DERA: variants seen among roughly 807,000 people sequenced by gnomAD.
The protein encoded by DERA is 2-deoxy-D-ribose 5-phosphate aldolase.
In DERA, 15 loss-of-function variants were observed where a neutral mutation model predicts 41.1. The ratio of observed to expected loss-of-function variants is 0.37; its 90% CI spans 0.24 to 0.56. The LOEUF (loss-of-function observed/expected upper bound fraction) is 0.56, where lower values mean the gene tolerates loss of function less well. Ranked by LOEUF, DERA falls within the 20% of genes least tolerant of loss-of-function variation. DERA has a pLI of 0.81. For missense variants in DERA, 396 were observed against 403.4 expected (o/e 0.98, Z 0.16); for synonymous variants, 139 against 137.4 (o/e 1.01, Z -0.08).
At chr12:15,961,936 GT>G (rs1948591123) in intron 4 of DERA, among the ~76,000 whole-genome samples, 1 of 152,114 alleles carries the variant, frequency 6.6e-6, no homozygotes, top group South Asian at 2.1e-4. Context: ...TAGAGATGGG[GT>G]TTCACCATGT....
In DERA at chr12:15,921,220, TG is replaced by T. The variant is rs1391700451; in HGVS notation, c.31+9807del. On this transcript the variant is annotated intron_variant, in intron 1 of 8. Coordinates refer to ENST00000428559, the MANE Select transcript of DERA (RefSeq NM_015954.4). The surrounding 1 kb of genome is among the most constrained non-coding windows in gnomAD (Gnocchi z 5.3). ...CATCGGGGTGACGTAGTGAAGTAAG[TG>T]CATATATCTGAAAAGTGCACTGTGT... Among the ~76,000 whole-genome samples, 1 of 152,184 alleles carries T rather than the reference TG, an allele frequency of 6.6e-6. No homozygotes were observed. The highest frequency in any genetic ancestry group is 1.5e-5 in the Non-Finnish European group (1 of 68,028).
chr12:15,930,299 T>C (rs1286523634), intron 1 of DERA, among the ~76,000 whole-genome samples: 1 of 152,212 alleles, frequency 6.6e-6, no homozygotes, highest in East Asian at 1.9e-4. Context: ...TAGGATATAA[T>C]GGAAGTTGAA....
Position 15,970,310 on chromosome 12 carries a change from A to C in DERA, c.508+7363A>C, listed in dbSNP as rs191969736. ...TTATTTTTAAGTGCCTTTGAATAGC[A>C]GGAAATATAGAAGGAAATATACTTT... On this transcript the variant is annotated intron_variant, in intron 5 of 8. Coordinates refer to ENST00000428559, the MANE Select transcript of DERA (RefSeq NM_015954.4). The surrounding 1 kb of genome is among the most constrained non-coding windows in gnomAD (Gnocchi z 4.3). Among the ~76,000 whole-genome samples the C allele has an allele frequency of 1.9e-4, 29 of 152,356 alleles. No homozygotes were observed. Among genetic ancestry groups the C allele is most frequent in the Admixed American group, 3.3e-4 (5 of 15,306 alleles).
At position 15,915,655 on chromosome 12, in the gene DERA, C is replaced by T. The variant is rs1948193662; in HGVS notation, c.31+4241C>T. Among the ~76,000 whole-genome samples the T allele has an allele frequency of 6.6e-6, 1 of 152,184 alleles. No homozygotes were observed. Among genetic ancestry groups the T allele is most frequent in the Non-Finnish European group, 1.5e-5 (1 of 68,038 alleles). On this transcript the variant is annotated intron_variant, in intron 1 of 8. Coordinates refer to ENST00000428559, the MANE Select transcript of DERA (RefSeq NM_015954.4). This position sits in a 1 kb window ranked among gnomAD's most constrained non-coding sequence, Gnocchi z 4.8. ...GCTATCTGTTTGCATAATAATTCTT[C>T]ACCTTATTTAATACCTACTGTGTGC...
Position 15,957,806 on chromosome 12 carries a change from C to T in DERA, c.130-382C>T, listed in dbSNP as rs762186739. 1.3e-5 allele frequency among the ~76,000 whole-genome samples: 2 copies of T among 152,132 alleles called. No individual in the cohort carries two copies. The highest frequency in any genetic ancestry group is 2.9e-5 in the Non-Finnish European group (2 of 68,028). ...GATAATCTCATCCCAGATCCCAGAG[C>T]GGGAGGTAAAATGTAAGGTAGAAAC... On this transcript the variant is annotated intron_variant, in intron 2 of 8. Transcript: ENST00000428559. This position sits in a 1 kb window ranked among gnomAD's most constrained non-coding sequence, Gnocchi z 4.8.
At position 16,001,207 on chromosome 12, in the gene DERA, C is replaced by T. The variant is rs1232948033; in HGVS notation, c.637+18771C>T. On this transcript the variant is annotated intron_variant, in intron 6 of 8. Transcript: ENST00000428559. This position sits in a 1 kb window ranked among gnomAD's most constrained non-coding sequence, Gnocchi z 4.1. ...AGGTGCAGCAAACCACCACGGCACA[C>T]GTACACCTATGTAACAAACCTGCAC... Among the ~76,000 whole-genome samples the T allele has an allele frequency of 6.6e-6, 1 of 152,220 alleles. No homozygotes were observed.
At chr12:15,960,720 C>T (rs1948581198) in intron 4 of DERA, among the ~76,000 whole-genome samples, 1 of 148,698 alleles carries the variant, frequency 6.7e-6, no homozygotes, top group South Asian at 2.1e-4. Flanking sequence ...ATATATTCTG[C>T]AGAGGTTGGT....
At chr12:15,942,500 A>T (rs1445726232) in intron 1 of DERA, among the ~76,000 whole-genome samples, 59 of 152,296 alleles carry the variant, frequency 3.9e-4, no homozygotes, top group Non-Finnish European at 1.2e-4. Flanking sequence ...TTCAGATCTT[A>T]GATTTGTCTT....
At chr12:15,951,457 G>A (rs899522697) in intron 1 of DERA, 2 of 152,206 alleles carry the variant, frequency 1.3e-5, no homozygotes, top group Admixed American at 1.3e-4. Context: ...AAATGCCCCA[G>A]GTAGGTGTTG....
chr12:16,004,224 A>G lies in DERA; in HGVS notation c.637+21788A>G, dbSNP rs1278025779. ...ATCTTTGTAGTCAAATAGCAATTTC[A>G]TATATGCAGATAATTTGAATCTGAA... is the stretch of plus-strand genomic sequence containing the variant. On this transcript the variant is annotated intron_variant, in intron 6 of 8. Transcript: ENST00000428559. The surrounding 1 kb of genome is among the most constrained non-coding windows in gnomAD (Gnocchi z 4.2). 6.6e-6 allele frequency among the ~76,000 whole-genome samples: 1 copy of G among 152,264 alleles called. No individual in the cohort carries two copies. The highest frequency in any genetic ancestry group is 1.5e-5 in the Non-Finnish European group (1 of 68,056).
At position 16,013,787 on chromosome 12, in the gene DERA, G is replaced by T. The variant is rs1385889732; in HGVS notation, c.638-18755G>T. On this transcript the variant is annotated intron_variant, in intron 6 of 8. Coordinates refer to ENST00000428559, the MANE Select transcript of DERA (RefSeq NM_015954.4). This position sits in a 1 kb window ranked among gnomAD's most constrained non-coding sequence, Gnocchi z 5.8. ...GTGGGAAAATTTGGAACTTCCTAGA[G>T]ACTTGTTGAATGGTTTTGACCAGAA... 1.3e-5 allele frequency among the ~76,000 whole-genome samples: 2 copies of T among 152,214 alleles called. No homozygotes were observed. The highest frequency in any genetic ancestry group is 4.8e-5 in the African/African-American group (2 of 41,458).
At chr12:15,960,353 G>A (rs2136148691) in intron 4 of DERA, among the ~76,000 whole-genome samples, 1 of 150,614 alleles carries the variant, frequency 6.6e-6, no homozygotes, top group African/African-American at 2.4e-5. Flanking sequence ...ATAATGATAT[G>A]CGGGCTGGGG....
At chr12:16,030,876 G>T (rs1949088062) in intron 6 of DERA, among the ~76,000 whole-genome samples, 1 of 152,158 alleles carries the variant, frequency 6.6e-6, no homozygotes, top group African/African-American at 2.4e-5. Context: ...ATGCATGCAT[G>T]GTAGTCATGT....
rs1948818558 is a variant in DERA, at chr12:15,993,832, AT to A, written c.637+11397del. ...CAGAGCTCTGTAGAGGAAAGAAGTTATCGTATTTTCTGGCTTCCCAGCAATG... is the reference window on the plus strand; with the variant it reads ...CAGAGCTCTGTAGAGGAAAGAAGTTACGTATTTTCTGGCTTCCCAGCAATG... On this transcript the variant is annotated intron_variant, in intron 6 of 8. Coordinates refer to ENST00000428559, the MANE Select transcript of DERA (RefSeq NM_015954.4). The surrounding 1 kb of genome is among the most constrained non-coding windows in gnomAD (Gnocchi z 4.4). Among the ~76,000 whole-genome samples the A allele has an allele frequency of 6.6e-6, 1 of 152,158 alleles. No individual in the cohort carries two copies. Among genetic ancestry groups the A allele is most frequent in the South Asian group, 2.1e-4 (1 of 4,828 alleles).
Position 15,959,964 on chromosome 12 carries a change from T to A in DERA, c.373+40T>A, listed in dbSNP as rs59802633. On this transcript the variant is annotated intron_variant, in intron 4 of 8. Coordinates refer to ENST00000428559, the MANE Select transcript of DERA (RefSeq NM_015954.4). This position sits in a 1 kb window ranked among gnomAD's most constrained non-coding sequence, Gnocchi z 4.5. The stretch of plus-strand genomic sequence containing the variant: ...GGCTTTTGTTGTTATTTTTTAAACA[T>A]GTTTCCAGTTCTTCATACAATGGGG... 1 of 1,450,344 alleles carries A rather than the reference T, an allele frequency of 6.9e-7. No homozygotes were observed. Among genetic ancestry groups the A allele is most frequent in the East Asian group, 2.5e-5 (1 of 39,954 alleles). 89.8% of individuals were successfully genotyped at this position (1,450,344 alleles called of 1,614,324 possible).
intron 1 of DERA, among the ~76,000 whole-genome samples, chr12:15,933,534 A>G (rs1372767243): frequency 6.6e-6 from 1 of 152,170 alleles, no homozygotes; most frequent in Non-Finnish European, 1.5e-5. Context: ...TTATACACCA[A>G]TCTGATCAAA....
At chr12:15,962,640 A>C (rs1948595457) in intron 4 of DERA, 173 bp from the exon 5 acceptor site, 2 of 514,218 alleles carry the variant, frequency 3.9e-6, no homozygotes, top group Admixed American at 3.6e-5. Context: ...CTTATGCATA[A>C]GTGATGTTCT....
At chr12:15,923,314 G>T (rs1157124062) in intron 1 of DERA, among the ~76,000 whole-genome samples, 2 of 152,074 alleles carry the variant, frequency 1.3e-5, no homozygotes, top group African/African-American at 4.8e-5. Flanking sequence ...GAGCCACCGC[G>T]CCCGGCCTGT....
chr12:15,943,956 C>T lies in DERA; in HGVS notation c.32-12980C>T, dbSNP rs905544604. 6.8e-6 allele frequency among the ~76,000 whole-genome samples: 1 copy of T among 147,460 alleles called. No homozygotes were observed. Among genetic ancestry groups the T allele is most frequent in the African/African-American group, 2.5e-5 (1 of 39,878 alleles). On this transcript the variant is annotated intron_variant, in intron 1 of 8. Transcript: ENST00000428559. The surrounding 1 kb of genome is among the most constrained non-coding windows in gnomAD (Gnocchi z 4.5). ...AAGTGTTCTCATTGTTCAATTCCCA[C>T]CTATGAGTGAGAACATGCGGTGTTT...
Sources: gnomAD v4.1 joint callset for allele counts (sites outside exome capture counted in the v4.1 genomes callset) on GRCh38, gnomAD v4.1.1 for gene constraint, Gnocchi (gnomAD v3.1) non-coding constraint, MANE v1.5 for transcripts, NCBI Gene and HGNC (gene_info 2026-07-23, HGNC 2026-07-21) for gene names.